Variants in CFAP299 observed in about 807,000 individuals in gnomAD.
CFAP299 encodes cilia and flagella associated protein 299.
In CFAP299, 21 loss-of-function variants were observed where a neutral mutation model predicts 27.0. The observed-to-expected ratio is 0.78, with a 90% CI of 0.55 to 1.12. The LOEUF (loss-of-function observed/expected upper bound fraction) is 1.12. Among genes scored for constraint, CFAP299 ranks in the 50% most tolerant of loss-of-function variants. The probability of loss-of-function intolerance (pLI) is 0.00; values close to 1 mark genes in which losing one functional copy is unlikely to be tolerated. For synonymous variants in CFAP299, 104 were observed against 98.1 expected, an observed-to-expected ratio of 1.06 and a Z score of -0.36; for missense variants, 310 against 276.6, an observed-to-expected ratio of 1.12 and a Z score of -0.86.
At chr4:80,513,343 G>C (rs1049598157) in intron 2 of CFAP299, among the ~76,000 whole-genome samples, 1 of 152,082 alleles carries the variant, frequency 6.6e-6, no homozygotes, top group African/African-American at 2.4e-5. Flanking sequence ...ACTTCTGGCT[G>C]GTCATTCTTA....
intron 2 of CFAP299, among the ~76,000 whole-genome samples, chr4:80,495,672 G>A (rs1055769205): frequency 1.1e-4 from 16 of 152,236 alleles, no homozygotes; most frequent in Non-Finnish European, 2.1e-4. Context: ...GATGTATTAC[G>A]CTATTCTCAC....
intron 3 of CFAP299, among the ~76,000 whole-genome samples, chr4:80,748,134 A>G (rs1343849237): frequency 6.6e-6 from 1 of 152,044 alleles, no homozygotes; most frequent in African/African-American, 2.4e-5. Context: ...CTTTATGCCC[A>G]CCTTTTCTTT....
chr4:80,737,586 G>A (rs1431499772), intron 3 of CFAP299, among the ~76,000 whole-genome samples: 1 of 151,970 alleles, frequency 6.6e-6, no homozygotes, highest in South Asian at 2.1e-4. Context: ...GTTGCTCATA[G>A]TAGCCATTAA....
At chr4:80,489,380 G>C (rs1231978140) in intron 2 of CFAP299, among the ~76,000 whole-genome samples, 1 of 152,160 alleles carries the variant, frequency 6.6e-6, no homozygotes, top group African/African-American at 2.4e-5. Flanking sequence ...GGTGGTCAAT[G>C]TATCAGAAAT....
At chr4:80,370,285 T>G (rs1724068470) in intron 2 of CFAP299, among the ~76,000 whole-genome samples, 2 of 152,146 alleles carry the variant, frequency 1.3e-5, no homozygotes. Context: ...CTTTCTTCAC[T>G]GGGGATTACA....
intron 3 of CFAP299, among the ~76,000 whole-genome samples, chr4:80,718,884 G>A (rs1427769658): frequency 6.6e-6 from 1 of 152,030 alleles, no homozygotes; most frequent in East Asian, 1.9e-4. Flanking sequence ...AAGCACTAAT[G>A]TGCTTTGAAT....
rs540609281 is a variant in CFAP299 at position 80,404,004 on chromosome 4, G to A, written c.242+41120G>A. 4.7e-4 allele frequency among the ~76,000 whole-genome samples: 71 copies of A among 152,180 alleles called. 1 individual carries two copies. Among genetic ancestry groups the A allele is most frequent in the African/African-American group, 1.7e-3 (69 of 41,532 alleles). On this transcript the variant is annotated intron_variant, in intron 2 of 5. Transcript: ENST00000358105. ...GTCAGAATTGACAATGGGGTCCTAC[G>A]TATGATACCCGTGGCCTAGCCTAAG...
At chr4:80,700,896 A>G (rs1431051433) in intron 3 of CFAP299, among the ~76,000 whole-genome samples, 2 of 152,056 alleles carry the variant, frequency 1.3e-5, no homozygotes, top group Non-Finnish European at 2.9e-5. Context: ...ATAAATACTA[A>G]TGATTTACTA....
intron 4 of CFAP299, among the ~76,000 whole-genome samples, chr4:80,935,913 A>G (rs996808541): frequency 3.3e-5 from 5 of 152,142 alleles, no homozygotes; most frequent in African/African-American, 4.8e-5. Flanking sequence ...ATGAACAGAG[A>G]CACTTTACAA....
intron 2 of CFAP299, among the ~76,000 whole-genome samples, chr4:80,417,433 A>G (rs1437210020): frequency 1.3e-5 from 2 of 152,122 alleles, no homozygotes; most frequent in Non-Finnish European, 2.9e-5. Context: ...CCCAGCCCCT[A>G]TTCAAGATGG....
chr4:80,760,669 G>T (rs1334692817), intron 3 of CFAP299, among the ~76,000 whole-genome samples: 1 of 152,128 alleles, frequency 6.6e-6, no homozygotes. Context: ...AGTTGTTGAA[G>T]ATACAATTCT....
chr4:80,866,062 TATATATATATATATA>T (rs1560454018), intron 3 of CFAP299, among the ~76,000 whole-genome samples: 47 of 49,286 alleles, frequency 9.5e-4, no homozygotes, highest in African/African-American at 9.3e-3. Flanking sequence ...TAAAGTATTA[TATATATATATATATA>T]TATATATATA....
chr4:80,901,128 G>T (rs934843096), intron 4 of CFAP299, among the ~76,000 whole-genome samples: 8 of 152,112 alleles, frequency 5.3e-5, no homozygotes, highest in African/African-American at 1.7e-4. Context: ...GCCTGTTGAG[G>T]CTGGACTCTC....
At chr4:80,468,733 G>A (rs1240891570) in intron 2 of CFAP299, among the ~76,000 whole-genome samples, 3 of 151,074 alleles carry the variant, frequency 2.0e-5, no homozygotes, top group Non-Finnish European at 4.4e-5. Flanking sequence ...TACTAGAGAG[G>A]CTGAGGCAGA....
At chr4:80,499,437 TA>T (rs1274723202) in intron 2 of CFAP299, among the ~76,000 whole-genome samples, 5 of 152,180 alleles carry the variant, frequency 3.3e-5, no homozygotes, top group African/African-American at 7.2e-5. Flanking sequence ...CACTGACAGA[TA>T]TTTTTTCCAT....
intron 2 of CFAP299, among the ~76,000 whole-genome samples, chr4:80,453,133 A>G (rs1728978055): frequency 6.6e-6 from 1 of 152,196 alleles, no homozygotes. Flanking sequence ...TGATTGACAT[A>G]ATGTGCACTC....
intron 4 of CFAP299, among the ~76,000 whole-genome samples, chr4:80,902,580 A>AACATAT (rs1553904752): frequency 6.1e-5 from 5 of 82,478 alleles, no homozygotes; most frequent in African/African-American, 1.6e-4. Flanking sequence ...ATATATATGT[A>AACATAT]ATATATACAC....
At chr4:80,880,747 TAAAATA>T (rs1467845944) in intron 4 of CFAP299, among the ~76,000 whole-genome samples, 13 of 151,202 alleles carry the variant, frequency 8.6e-5, no homozygotes, top group Non-Finnish European at 1.6e-4. Context: ...TAAAATAAAA[TAAAATA>T]AAATTAAATT....
At chr4:80,931,097 C>A (rs369568856) in intron 4 of CFAP299, among the ~76,000 whole-genome samples, 1 of 151,876 alleles carries the variant, frequency 6.6e-6, no homozygotes, top group African/African-American at 2.4e-5. Context: ...GTTCCCATCC[C>A]GAAGAATATC....
Sources: allele counts gnomAD v4.1 joint callset (sites outside exome capture counted in the v4.1 genomes callset), GRCh38; gene constraint gnomAD v4.1.1; transcripts MANE v1.5; gene names NCBI Gene and HGNC (gene_info 2026-07-23, HGNC 2026-07-21).